ZNF385D: variants seen among roughly 807,000 people sequenced by gnomAD.
The protein encoded by ZNF385D is zinc finger protein 385D, also known as zinc finger protein 659.
In ZNF385D, 15 loss-of-function variants were observed where a neutral mutation model predicts 35.8. The observed-to-expected ratio is 0.42, with a 90% CI of 0.28 to 0.64. The LOEUF (loss-of-function observed/expected upper bound fraction) is 0.64. Among genes scored for constraint, ZNF385D ranks in the 30% least tolerant of loss-of-function variants. The probability of loss-of-function intolerance (pLI) is 0.23; values close to 1 mark genes in which losing one functional copy is unlikely to be tolerated. For missense variants in ZNF385D, 474 were observed against 494.6 expected (o/e 0.96, Z 0.39); for synonymous variants, 212 against 186.8 (o/e 1.13, Z -1.10).
intron 3 of ZNF385D, among the ~76,000 whole-genome samples, chr3:21,824,324 A>C (rs1294376956): frequency 2.0e-5 from 3 of 152,222 alleles, no homozygotes; most frequent in Non-Finnish European, 4.4e-5. Flanking sequence ...TTTTTATAAA[A>C]AACAACTGTT....
At chr3:21,806,065 G>A (rs2072627470) in intron 3 of ZNF385D, among the ~76,000 whole-genome samples, 1 of 152,126 alleles carries the variant, frequency 6.6e-6, no homozygotes, top group Admixed American at 6.5e-5. Context: ...AAATTCATAT[G>A]CATGTTAGCT....
At chr3:21,919,587 G>C (rs1700355635) in intron 3 of ZNF385D, among the ~76,000 whole-genome samples, 1 of 152,186 alleles carries the variant, frequency 6.6e-6, no homozygotes, top group Admixed American at 6.5e-5. Flanking sequence ...CACTTCAAGA[G>C]AGCATGATTC....
At chr3:21,957,459 G>A (rs929874065) in intron 3 of ZNF385D, among the ~76,000 whole-genome samples, 1 of 152,122 alleles carries the variant, frequency 6.6e-6, no homozygotes, top group African/African-American at 2.4e-5. Flanking sequence ...AAGCCTGATA[G>A]CAATATGAAC....
chr3:21,784,200 A>G (rs2071599692), intron 3 of ZNF385D, among the ~76,000 whole-genome samples: 1 of 152,208 alleles, frequency 6.6e-6, no homozygotes, highest in African/African-American at 2.4e-5. Context: ...GGAGAATGTT[A>G]TTAAGGCTTC....
chr3:21,848,504 A>G (rs1696160896), intron 3 of ZNF385D, among the ~76,000 whole-genome samples: 1 of 151,994 alleles, frequency 6.6e-6, no homozygotes, highest in Non-Finnish European at 1.5e-5. Flanking sequence ...ACCTAAAATA[A>G]GAAAAAAAGA....
At chr3:21,632,349 C>A (rs1224804815) in intron 2 of ZNF385D, among the ~76,000 whole-genome samples, 1 of 151,956 alleles carries the variant, frequency 6.6e-6, no homozygotes, top group Non-Finnish European at 1.5e-5. Context: ...TAAAAGTGAC[C>A]AATTTGAGAC....
chr3:22,081,124 T>C (rs1393545965), intron 3 of ZNF385D, among the ~76,000 whole-genome samples: 1 of 152,232 alleles, frequency 6.6e-6, no homozygotes, highest in African/African-American at 2.4e-5. Flanking sequence ...TAATGTCTCC[T>C]ATATCCACTA....
chr3:21,545,014 T>C (rs1409222189), intron 3 of ZNF385D, among the ~76,000 whole-genome samples: 1 of 152,218 alleles, frequency 6.6e-6, no homozygotes, highest in Admixed American at 6.5e-5. Flanking sequence ...TGGTGAATAA[T>C]GCTAACATAT....
At chr3:22,359,963 G>A (rs796414006) in intron 2 of ZNF385D, among the ~76,000 whole-genome samples, 2 of 151,838 alleles carry the variant, frequency 1.3e-5, no homozygotes, top group Admixed American at 6.6e-5. Flanking sequence ...GTTCTTAAAC[G>A]TATGTATGGA....
At chr3:22,135,314 A>G (rs1488547029) in intron 3 of ZNF385D, among the ~76,000 whole-genome samples, 2 of 136,808 alleles carry the variant, frequency 1.5e-5, no homozygotes, top group African/African-American at 3.6e-5. Flanking sequence ...ACACACACAC[A>G]TACCCCAACA....
At chr3:22,158,038 A>G (rs1705703239) in intron 3 of ZNF385D, among the ~76,000 whole-genome samples, 1 of 152,128 alleles carries the variant, frequency 6.6e-6, no homozygotes, top group African/African-American at 2.4e-5. Flanking sequence ...GTAAGATGAA[A>G]GAGGGAATTA....
Position 22,030,445 on chromosome 3 carries a change from AGGAGGGAGAGAGAGAG to A in ZNF385D, c.325+138356_325+138371del, listed in dbSNP as rs1697925307. 2.6e-5 allele frequency among the ~76,000 whole-genome samples: 4 copies of A among 150,992 alleles called. No homozygotes were observed. In the South Asian group the frequency reaches 8.4e-4, roughly 32 times the overall value. On this transcript the variant is annotated intron_variant, in intron 3 of 5. Transcript: ENST00000494108. ...GCAAGTAACTTTTTTACAAAGTGGC[AGGAGGGAGAGAGAGAG>A]GGAGGGAGAGAGAGAGACACAGAGA...
intron 3 of ZNF385D, among the ~76,000 whole-genome samples, chr3:21,974,550 A>G (rs1277729822): frequency 2.0e-5 from 3 of 152,142 alleles, no homozygotes; most frequent in African/African-American, 7.2e-5. Flanking sequence ...AGCACAAGCA[A>G]CCAAAGCAAA....
At chr3:21,936,137 G>A (rs1235416965) in intron 3 of ZNF385D, among the ~76,000 whole-genome samples, 1 of 152,066 alleles carries the variant, frequency 6.6e-6, no homozygotes, top group African/African-American at 2.4e-5. Flanking sequence ...AAGATAAGAA[G>A]ATAGATCTAA....
intron 3 of ZNF385D, among the ~76,000 whole-genome samples, chr3:22,075,047 C>T (rs946964811): frequency 2.0e-5 from 3 of 151,846 alleles, no homozygotes; most frequent in African/African-American, 4.8e-5. Flanking sequence ...TTGAAACTTG[C>T]AGAGTAATTT....
At chr3:21,839,917 G>C (rs1695560171) in intron 3 of ZNF385D, among the ~76,000 whole-genome samples, 1 of 152,002 alleles carries the variant, frequency 6.6e-6, no homozygotes. Flanking sequence ...AGAGCGCACA[G>C]CCTTACACCG....
intron 3 of ZNF385D, among the ~76,000 whole-genome samples, chr3:22,155,663 TAATA>T (rs879850155): frequency 2.0e-5 from 3 of 152,088 alleles, no homozygotes; most frequent in Admixed American, 1.3e-4. Context: ...TTAAAATAGT[TAATA>T]AAGAGAACAT....
intron 3 of ZNF385D, among the ~76,000 whole-genome samples, chr3:22,145,356 C>G (rs889482831): frequency 9.9e-5 from 15 of 152,194 alleles, no homozygotes; most frequent in Non-Finnish European, 1.6e-4. Context: ...AATGCCTAAG[C>G]TTATACAGCC....
intron 6 of ZNF385D, among the ~76,000 whole-genome samples, chr3:21,425,089 C>T (rs1437650493): frequency 6.6e-6 from 1 of 152,140 alleles, no homozygotes; most frequent in African/African-American, 2.4e-5. Context: ...TGTAAAATTA[C>T]TTGTAGCACG....
Sources: allele counts gnomAD v4.1 joint callset (sites outside exome capture counted in the v4.1 genomes callset), GRCh38; gene constraint gnomAD v4.1.1; transcripts MANE v1.5; gene names NCBI Gene and HGNC (gene_info 2026-07-23, HGNC 2026-07-21).